IGF2BP1: variants seen among roughly 807,000 people sequenced by gnomAD.
IGF2BP1 encodes insulin like growth factor 2 mRNA binding protein 1.
A neutral mutation model predicts 74.9 loss-of-function variants in IGF2BP1; 11 were observed. The ratio of observed to expected loss-of-function variants is 0.15; its 90% CI spans 0.09 to 0.24. The LOEUF is 0.24. Among genes scored for constraint, IGF2BP1 ranks in the 10% least tolerant of loss-of-function variants. IGF2BP1 has a pLI of 1.00. For missense variants in IGF2BP1, 440 were observed against 757.4 expected (o/e 0.58, Z 4.92); for synonymous variants, 287 against 281.8 (o/e 1.02, Z -0.18).
intron 2 of IGF2BP1, among the ~76,000 whole-genome samples, chr17:49,023,647 T>G (rs2041817807): frequency 6.6e-6 from 1 of 152,166 alleles, no homozygotes; most frequent in African/African-American, 2.4e-5. Flanking sequence ...TAAGAGAGGC[T>G]TAATTAGAGG....
chr17:49,011,060 C>T (rs957391400), intron 2 of IGF2BP1, among the ~76,000 whole-genome samples: 1 of 141,032 alleles, frequency 7.1e-6, no homozygotes, highest in African/African-American at 2.6e-5. Context: ...ATCGCTTGAA[C>T]CCGGGAGGTG....
At chr17:49,020,966 A>C (rs1001649097) in intron 2 of IGF2BP1, among the ~76,000 whole-genome samples, 2 of 89,656 alleles carry the variant, frequency 2.2e-5, no homozygotes, top group Non-Finnish European at 4.3e-5. Flanking sequence ...CCGTCTCTAC[A>C]AATTAAAAAA....
In IGF2BP1 at chr17:49,026,631, T is replaced by G. The variant is rs9890081; in HGVS notation, c.337+114T>G. The stretch of plus-strand genomic sequence containing the variant: ...TTTCTCCCTTCCTTCCTTCCTTCCT[T>G]CCTGCCTTCCTTCCTGCCTGCCTTC... On this transcript the variant is annotated intron_variant, in intron 4 of 14. Coordinates refer to ENST00000290341, the MANE Select transcript of IGF2BP1 (RefSeq NM_006546.4). 2,523 of 428,500 alleles carry G rather than the reference T, an allele frequency of 5.9e-3. 8 individuals carry two copies. Among genetic ancestry groups the G allele is most frequent in the Middle Eastern group, 0.011 (16 of 1,462 alleles). The allele number at this position is 428,500 out of a possible 1,614,324, so 26.5% of individuals were successfully genotyped here.
chr17:49,026,699 T>TCCTGCCTTCCTGCCTTCCTG (rs1555599046), intron 4 of IGF2BP1, among the ~76,000 whole-genome samples, 182 bp downstream of exon 4: 1,289 of 106,520 alleles, frequency 0.012, 23 homozygotes, highest in Non-Finnish European at 0.024. Flanking sequence ...CTTCCTGCCT[T>TCCTGCCTTCCTGCCTTCCTG]CCTGCCTTCC....
rs1428759513 is a variant in IGF2BP1, at chr17:49,038,328, C to T, written c.562C>T (p.Pro188Ser). The change falls in exon 6 of 15, where the codon CCA becomes TCA. Residue 188 changes from proline to serine, a missense_variant. Physicochemically the swap from Pro to Ser is moderately conservative, Grantham distance 74. Around this residue, in one of 5 missense-constraint regions of IGF2BP1, gnomAD observed 184 missense variants for 273.4 expected, o/e 0.67. Coordinates refer to ENST00000290341, the MANE Select transcript of IGF2BP1 (RefSeq NM_006546.4). ...RQGSPVAAGA[P>S]AKQQQVDIPL... is the part of the protein sequence containing the mutation. Reference sequence around the variant, plus strand: ...GGGCTCACCTGTGGCAGCGGGGGCCCCAGCCAAGCAGCAGCAAGTGGACAT... The same window carrying T: ...GGGCTCACCTGTGGCAGCGGGGGCCTCAGCCAAGCAGCAGCAAGTGGACAT... 6.2e-7 allele frequency: 1 copy of T among 1,606,110 alleles called. No individual in the cohort carries two copies. The highest frequency in any genetic ancestry group is 1.3e-5 in the African/African-American group (1 of 74,868).
At chr17:49,035,394 A>T (rs915600000) in intron 5 of IGF2BP1, among the ~76,000 whole-genome samples, 2 of 152,194 alleles carry the variant, frequency 1.3e-5, no homozygotes, top group Non-Finnish European at 2.9e-5. Context: ...GGTCTAGACT[A>T]GGTTGTAAGT....
At chr17:49,024,300 T>C (rs2041826866) in intron 2 of IGF2BP1, among the ~76,000 whole-genome samples, 1 of 151,946 alleles carries the variant, frequency 6.6e-6, no homozygotes, top group Admixed American at 6.6e-5. Context: ...TGGTCCCAGC[T>C]ATACAGGAGG....
At chr17:49,002,682 A>T (rs1399737650) in intron 2 of IGF2BP1, among the ~76,000 whole-genome samples, 1 of 151,792 alleles carries the variant, frequency 6.6e-6, no homozygotes, top group East Asian at 1.9e-4. Flanking sequence ...AGGTTTTCTT[A>T]TTAATATTAG....
chr17:49,042,509 G>A lies in IGF2BP1; in HGVS notation c.1077+132G>A, dbSNP rs1047698064. On this transcript the variant is annotated intron_variant, in intron 9 of 14. Transcript: ENST00000290341. ...GCTTTAGTTGATGCTTTTGGACTTC[G>A]ACTATCAGAAATAGTATTTAAATAG... 35 of 913,770 alleles carry A rather than the reference G, an allele frequency of 3.8e-5. No homozygotes were observed. In the Admixed American group the frequency reaches 4.3e-4, roughly 11 times the overall value. The allele number at this position is 913,770 out of a possible 1,614,324, so 56.6% of individuals were successfully genotyped here.
chr17:49,037,203 AG>A (rs1200227574), intron 5 of IGF2BP1: 2 of 483,936 alleles, frequency 4.1e-6, no homozygotes, highest in African/African-American at 2.1e-5. Context: ...GGCCAGAGAG[AG>A]GTGTTCTGAA....
At position 48,997,417 on chromosome 17, in the gene IGF2BP1, G is replaced by C. The variant is rs1305795343; in HGVS notation, c.-329G>C. 1 of 131,158 alleles carries C rather than the reference G, an allele frequency of 7.6e-6. No homozygotes were observed. The highest frequency in any genetic ancestry group is 2.4e-4 in the East Asian group (1 of 4,084). 8.1% of individuals were successfully genotyped at this position (131,158 alleles called of 1,614,324 possible). A position where few individuals can be genotyped will look rare whatever the true frequency, so the allele number is the denominator to read the frequency against. On this transcript the variant is annotated 5_prime_UTR_variant, in exon 1 of 15. Coordinates refer to ENST00000290341, the MANE Select transcript of IGF2BP1 (RefSeq NM_006546.4). This position sits in a 1 kb window ranked among gnomAD's most constrained non-coding sequence, Gnocchi z 4.8. ...TTTTTTTTCAAGTCGATTTTATTTA[G>C]AGGCGGCGCCAGGGCGGCCGCGGAG...
At chr17:49,031,880 C>T in intron 4 of IGF2BP1, 30 bp from the exon 5 acceptor site, 1 of 1,605,460 alleles carries the variant, frequency 6.2e-7, no homozygotes, top group Non-Finnish European at 8.5e-7. Context: ...GATTTCCCTG[C>T]TCTGAGGTTA....
intron 4 of IGF2BP1, among the ~76,000 whole-genome samples, chr17:49,027,853 GAAAAAA>G (rs777784396): frequency 2.3e-5 from 1 of 42,892 alleles, no homozygotes; most frequent in African/African-American, 9.5e-5. Context: ...CTCTGTCTCA[GAAAAAA>G]AAAAAAAAAA....
intron 3 of IGF2BP1, 145 bp downstream of exon 3, chr17:49,025,811 CTTTT>C (rs1416478174): frequency 3.8e-6 from 2 of 528,348 alleles, no homozygotes; most frequent in Non-Finnish European, 6.8e-6. Context: ...TTCTTTTTTT[CTTTT>C]TGAGTCTCAT....
chr17:49,036,972 T>G (rs1352108627), intron 5 of IGF2BP1: 1 of 189,130 alleles, frequency 5.3e-6, no homozygotes, highest in Non-Finnish European at 1.1e-5. Context: ...AACAGTGGCT[T>G]AAGCAAAGGC....
chr17:49,026,513 G>A lies in IGF2BP1; in HGVS notation c.333G>A (p.Glu111=). The A allele has an allele frequency of 6.2e-7, 1 of 1,614,056 alleles. No homozygotes were observed. The highest frequency in any genetic ancestry group is 8.5e-7 in the Non-Finnish European group (1 of 1,179,906). Residue 111 remains glutamate, a synonymous_variant, in exon 4 of 15, where the codon GAG becomes GAA. Transcript: ENST00000290341. The part of the protein sequence containing the change: ...LAQYGTVENC[E]QVNTESETAV... ...AGTATGGTACAGTAGAGAACTGTGA[G>A]CAAGGTAAGAGTGGGCCGGGTGTGG...
rs766228463 is a variant in IGF2BP1, at chr17:49,049,360, A to G, written c.1650A>G (p.Gln550=). ...IGHFYASQMA[Q]RKIRDILAQV... ...GCCTGTTCTTGCTGCAGATGGCTCAACGGAAGATCCGAGACATCCTGGCCC... is the reference window on the plus strand; with the variant it reads ...GCCTGTTCTTGCTGCAGATGGCTCAGCGGAAGATCCGAGACATCCTGGCCC... The change falls in exon 15 of 15, where the codon CAA becomes CAG. Residue 550 remains glutamine, a synonymous_variant. Coordinates refer to ENST00000290341, the MANE Select transcript of IGF2BP1 (RefSeq NM_006546.4). The G allele has an allele frequency of 3.7e-5, 60 of 1,613,892 alleles. No homozygotes were observed. The Admixed American group carries it at 8.7e-4, about 23-fold the overall frequency.
chr17:49,010,868 A>C (rs2143960158), intron 2 of IGF2BP1, among the ~76,000 whole-genome samples: 1 of 152,054 alleles, frequency 6.6e-6, no homozygotes, highest in East Asian at 1.9e-4. Flanking sequence ...GAGGAGGGAG[A>C]CTTTAGAGCT....
intron 9 of IGF2BP1, 70 bp from the exon 10 acceptor site, chr17:49,043,358 A>T (rs536388867): frequency 1.9e-6 from 3 of 1,581,872 alleles, no homozygotes. Flanking sequence ...CTCGCCTTTT[A>T]TACAGCGGGG....
Sources: gnomAD v4.1 joint callset for allele counts (sites outside exome capture counted in the v4.1 genomes callset) on GRCh38, gnomAD v4.1.1 for gene constraint, gnomAD v4.1.1 regional missense constraint, Gnocchi (gnomAD v3.1) non-coding constraint, MANE v1.5 for transcripts, NCBI Gene and HGNC (gene_info 2026-07-23, HGNC 2026-07-21) for gene names.